CFLAR: variants seen among roughly 807,000 people sequenced by gnomAD.
CFLAR encodes CASP8 and FADD-like apoptosis regulator.
CFLAR carries 14 observed loss-of-function variants against 51.1 expected under a neutral mutation model. That is an observed-to-expected ratio of 0.27 (90% CI 0.18 to 0.43). CFLAR has a LOEUF of 0.43. CFLAR is among the 20% of genes least tolerant of loss of function. CFLAR has a pLI of 1.00. For missense variants in CFLAR, 390 were observed against 566.5 expected, an observed-to-expected ratio of 0.69 and a Z score of 3.16; for synonymous variants, 210 against 211.6, an observed-to-expected ratio of 0.99 and a Z score of 0.06.
chr2:201,120,613 A>G (rs1338032906), intron 1 of CFLAR, among the ~76,000 whole-genome samples: 1 of 149,296 alleles, frequency 6.7e-6, no homozygotes, highest in African/African-American at 2.6e-5. Context: ...TAAAAATGTA[A>G]TTGAAAAATC....
rs2125985421 is a variant in CFLAR at position 201,169,949 on chromosome 2, AAAC to A, written c.*5981_*5983del. The stretch of plus-strand genomic sequence containing the variant: ...GAATGGTGATTATTAAAAAGTCAAA[AAAC>A]AACAGATGCTGGCGAGGCTGTGGAG... On this transcript the variant is annotated 3_prime_UTR_variant, in exon 10 of 10. Coordinates refer to ENST00000309955, the MANE Select transcript of CFLAR (RefSeq NM_003879.7). 1 of 152,310 alleles carries A rather than the reference AAAC, an allele frequency of 6.6e-6. No individual in the cohort carries two copies. Among genetic ancestry groups the A allele is most frequent in the African/African-American group, 2.4e-5 (1 of 41,586 alleles). The allele number at this position is 152,310 out of a possible 1,614,324, so 9.4% of individuals were successfully genotyped here.
chr2:201,128,000 CTG>C (rs760892572), intron 1 of CFLAR, among the ~76,000 whole-genome samples: 6 of 152,022 alleles, frequency 3.9e-5, no homozygotes, highest in East Asian at 1.9e-4. Flanking sequence ...AGTTAGATGA[CTG>C]TAAAAAAATA....
intron 4 of CFLAR, chr2:201,137,681 G>C (rs2050327463): frequency 1.3e-6 from 1 of 760,810 alleles, no homozygotes; most frequent in African/African-American, 1.7e-5. Context: ...TGCCCACTAT[G>C]AGGTAGGGCA....
chr2:201,137,732 G>A (rs888063664), intron 4 of CFLAR: 55 of 796,158 alleles, frequency 6.9e-5, no homozygotes, highest in Non-Finnish European at 1.1e-4. Context: ...TGGAGCCCAA[G>A]ACATCCTGCG....
chr2:201,146,998 G>A (rs1316450591), intron 6 of CFLAR, among the ~76,000 whole-genome samples: 1 of 152,188 alleles, frequency 6.6e-6, no homozygotes, highest in Non-Finnish European at 1.5e-5. Context: ...TAAAACACTG[G>A]TGAGGTGATG....
At chr2:201,162,808 C>T in intron 9 of CFLAR, 1 of 500,696 alleles carries the variant, frequency 2.0e-6, no homozygotes, top group Admixed American at 3.4e-5. Context: ...AGATCACAAA[C>T]ATTTTTGCAT....
intron 6 of CFLAR, among the ~76,000 whole-genome samples, chr2:201,147,530 C>A (rs992486629): frequency 6.7e-6 from 1 of 150,088 alleles, no homozygotes; most frequent in Non-Finnish European, 1.5e-5. Context: ...CCCTGCCCCC[C>A]ACCCCAGAAA....
At chr2:201,157,778 T>A (rs1438109133) in intron 8 of CFLAR, 1 of 152,272 alleles carries the variant, frequency 6.6e-6, no homozygotes. Flanking sequence ...TACGTTAGAC[T>A]GGGCTGTATG....
At position 201,170,303 on chromosome 2, in the gene CFLAR, G is replaced by A. The variant is rs1375738952; in HGVS notation, c.*6330G>A. The A allele has an allele frequency of 6.6e-6, 1 of 152,152 alleles. No individual in the cohort carries two copies. Among genetic ancestry groups the A allele is most frequent in the Non-Finnish European group, 1.5e-5 (1 of 68,010 alleles). 9.4% of individuals were successfully genotyped at this position (152,152 alleles called of 1,614,324 possible). The stretch of plus-strand genomic sequence containing the variant: ...CAGCTTTTGGTGATACAGTGAATCA[G>A]ATTTTTCATTAATTCTTTTAATTGG... On this transcript the variant is annotated 3_prime_UTR_variant, in exon 10 of 10. Transcript: ENST00000309955.
In CFLAR at chr2:201,138,568, C is replaced by T. The variant is rs544352315; in HGVS notation, c.524-1789C>T. ...GTGTGGTCCTTCTCAGCAAGAAAGT[C>T]GATGTCTCGGGAGGTGACGATGCCC... On this transcript the variant is annotated intron_variant, in intron 4 of 9. Transcript: ENST00000309955. This position sits in a 1 kb window ranked among gnomAD's most constrained non-coding sequence, Gnocchi z 4.0. The T allele has an allele frequency of 2.0e-5, 32 of 1,595,912 alleles. No homozygotes were observed. In the African/African-American group the frequency reaches 2.7e-4, roughly 13 times the overall value.
chr2:201,165,758 T>C lies in CFLAR; in HGVS notation c.*1785T>C, dbSNP rs1385585554. On this transcript the variant is annotated 3_prime_UTR_variant, in exon 10 of 10. Coordinates refer to ENST00000309955, the MANE Select transcript of CFLAR (RefSeq NM_003879.7). ...CCGCAGTGTTTGTGTCCCTGGGTAC[T>C]TGAGATTAGGGAGTGGTGATGACTC... 6.5e-6 allele frequency: 1 copy of C among 154,394 alleles called. No homozygotes were observed. Among genetic ancestry groups the C allele is most frequent in the Non-Finnish European group, 1.4e-5 (1 of 69,482 alleles). 9.6% of individuals were successfully genotyped at this position (154,394 alleles called of 1,614,324 possible). A position where few individuals can be genotyped will look rare whatever the true frequency, so the allele number is the denominator to read the frequency against.
At chr2:201,159,679 G>T (rs1020726924) in intron 8 of CFLAR, among the ~76,000 whole-genome samples, 1 of 152,140 alleles carries the variant, frequency 6.6e-6, no homozygotes, top group Non-Finnish European at 1.5e-5. Context: ...TCCTTTTACC[G>T]ATAGGAAAGG....
At chr2:201,130,187 G>GGGGGGGGGGGGGGGGGGGCA in intron 2 of CFLAR, 41 bp downstream of exon 2, 1 of 292,392 alleles carries the variant, frequency 3.4e-6, no homozygotes, top group East Asian at 9.3e-5. Flanking sequence ...GGGTGGGAGG[G>GGGGGGGGGGGGGGGGGGGCA]AGTGAAGTGT....
chr2:201,167,374 G>C lies in CFLAR; in HGVS notation c.*3401G>C, dbSNP rs964828187. On this transcript the variant is annotated 3_prime_UTR_variant, in exon 10 of 10. Transcript: ENST00000309955. ...ACAAAATTTAGCTGAGCGTGGTGGC[G>C]TGTTCCTGTAGTCCCAGCTACTTGG... The C allele has an allele frequency of 2.6e-5, 4 of 152,422 alleles. No individual in the cohort carries two copies. The highest frequency in any genetic ancestry group is 9.7e-5 in the African/African-American group (4 of 41,408). The allele number at this position is 152,422 out of a possible 1,614,324, so 9.4% of individuals were successfully genotyped here. A position where few individuals can be genotyped will look rare whatever the true frequency, so the allele number is the denominator to read the frequency against.
In CFLAR at chr2:201,169,553, T is replaced by C. The variant is rs1173594121; in HGVS notation, c.*5580T>C. On this transcript the variant is annotated 3_prime_UTR_variant, in exon 10 of 10. Transcript: ENST00000309955. The stretch of plus-strand genomic sequence containing the variant: ...TTCAAGACATAGGCACAAGCAAAGG[T>C]TTCATGACAAAAACATCAAAAGCAA... 2 of 151,776 alleles carry C rather than the reference T, an allele frequency of 1.3e-5. No homozygotes were observed. The highest frequency in any genetic ancestry group is 2.9e-5 in the Non-Finnish European group (2 of 67,910). The allele number at this position is 151,776 out of a possible 1,614,324, so 9.4% of individuals were successfully genotyped here.
intron 9 of CFLAR, chr2:201,163,269 A>G: frequency 7.7e-7 from 1 of 1,295,264 alleles, no homozygotes; most frequent in Admixed American, 3.7e-5. Flanking sequence ...TTTCTAAGAG[A>G]AACATCAGTG....
At chr2:201,160,290 G>T in intron 8 of CFLAR, 142 bp from the exon 9 acceptor site, 2 of 874,908 alleles carry the variant, frequency 2.3e-6, no homozygotes, top group Non-Finnish European at 1.8e-6. Context: ...CAACTGCCCA[G>T]GACTCAGGCA....
rs758903688 is a variant in CFLAR at position 201,140,383 on chromosome 2, A to G, written c.550A>G (p.Asn184Asp). The G allele has an allele frequency of 1.9e-6, 3 of 1,611,140 alleles. No homozygotes were observed. In the South Asian group the frequency reaches 3.3e-5, roughly 18 times the overall value. ...TCAAGGAGCAGGGACAAGTTACAGG[A>G]ATGTTCTCCAAGCAGCAATCCAAAA... ...SVQGAGTSYR[N>D]VLQAAIQKSL... is the part of the protein sequence containing the mutation. The change falls in exon 5 of 10, where the codon AAT (asparagine) becomes GAT (aspartate). Residue 184 changes from asparagine to aspartate, a missense_variant. By Grantham distance (23) the Asn-to-Asp change is conservative (BLOSUM62 1). This residue lies in a region of CFLAR where 287 missense variants were observed against 363.6 expected (regional missense o/e 0.79). Transcript: ENST00000309955.
chr2:201,163,460 C>A, intron 9 of CFLAR: 1 of 1,111,086 alleles, frequency 9.0e-7, no homozygotes, highest in Non-Finnish European at 1.1e-6. Context: ...CTTTACCTGG[C>A]CTCCTTAGTG....
Sources: allele counts gnomAD v4.1 joint callset (sites outside exome capture counted in the v4.1 genomes callset), GRCh38; gene constraint gnomAD v4.1.1; regional missense constraint gnomAD v4.1.1; non-coding constraint Gnocchi (gnomAD v3.1); transcripts MANE v1.5; gene names NCBI Gene and HGNC (gene_info 2026-07-23, HGNC 2026-07-21).